The following MAGED1 variants were observed in gnomAD, a reference collection of about 807,000 sequenced individuals.
The protein encoded by MAGED1 is melanoma-associated antigen D1.
Under a neutral mutation model 54.1 loss-of-function variants are expected in MAGED1, and 3 were observed. The observed-to-expected ratio is 0.06, with a 90% CI of 0.03 to 0.14. The LOEUF is 0.14. Among genes scored for constraint, MAGED1 ranks in the 10% least tolerant of loss-of-function variants. MAGED1 has a pLI of 1.00. For missense variants in MAGED1, 485 were observed against 623.4 expected (o/e 0.78, Z 2.36); for synonymous variants, 217 against 227.3 (o/e 0.95, Z 0.41).
At chrX:51,902,047 A>T in intron 12 of MAGED1, 99 bp from the exon 13 acceptor site, 1 of 796,241 alleles carries the variant, frequency 1.3e-6, no homozygotes, top group Non-Finnish European at 1.7e-6. Flanking sequence ...CATTGTAGGG[A>T]GATGAGGAAA....
upstream of MAGED1, among the ~76,000 whole-genome samples, chrX:51,893,306 T>C (rs1557363674): frequency 1.0e-5 from 1 of 98,037 alleles, no homozygotes; most frequent in Non-Finnish European, 2.0e-5. Context: ...AGGGACGGAA[T>C]AGAGACGCAT....
chrX:51,857,548 C>A (rs938828848), intron 1 of MAGED1: 31 of 111,969 alleles, frequency 2.8e-4, no homozygotes, highest in African/African-American at 9.7e-4. Context: ...CTGGAGATAA[C>A]AGACCTTCAA....
chrX:51,861,527 G>A (rs782348096), intron 1 of MAGED1, among the ~76,000 whole-genome samples: 1 of 111,367 alleles, frequency 9.0e-6, no homozygotes, highest in East Asian at 2.8e-4. Flanking sequence ...TATTCTTTTA[G>A]TATAGCTATA....
chrX:51,840,859 A>G (rs1404134425), intron 1 of MAGED1, among the ~76,000 whole-genome samples: 2 of 110,149 alleles, frequency 1.8e-5, no homozygotes, highest in Non-Finnish European at 3.8e-5. Flanking sequence ...GTTGGTTCCA[A>G]GTCTTTGCTA....
upstream of MAGED1, chrX:51,893,421 A>G (rs1928529828): frequency 9.1e-6 from 1 of 109,814 alleles, no homozygotes; most frequent in African/African-American, 3.4e-5. Flanking sequence ...GCTGTTGTAT[A>G]GTGTCGACCT....
intron 1 of MAGED1, among the ~76,000 whole-genome samples, chrX:51,819,223 G>A (rs147098633): frequency 0.011 from 1,235 of 109,465 alleles, 6 homozygotes; most frequent in Middle Eastern, 0.019. Context: ...AGAAGCTCTG[G>A]TTGCTCCCTC....
intron 1 of MAGED1, among the ~76,000 whole-genome samples, chrX:51,819,500 C>T (rs1283792435): frequency 9.0e-6 from 1 of 110,658 alleles, no homozygotes; most frequent in East Asian, 2.8e-4. Context: ...TCTTCCTCTT[C>T]ACAGTGTCAA....
intron 1 of MAGED1, among the ~76,000 whole-genome samples, chrX:51,876,696 G>A (rs1557362029): frequency 9.0e-6 from 1 of 111,442 alleles, no homozygotes; most frequent in Non-Finnish European, 1.9e-5. Context: ...CCCATGTAAG[G>A]CCCGTAGGAT....
intron 1 of MAGED1, among the ~76,000 whole-genome samples, chrX:51,880,094 C>T (rs1557362363): frequency 8.9e-6 from 1 of 112,498 alleles, no homozygotes. Flanking sequence ...TGTGGTTTCC[C>T]TCAGCTCAGG....
At chrX:51,867,523 C>T (rs1557361179) in intron 1 of MAGED1, among the ~76,000 whole-genome samples, 1 of 111,445 alleles carries the variant, frequency 9.0e-6, no homozygotes, top group South Asian at 3.8e-4. Flanking sequence ...CTCTCCTTCT[C>T]ACGTTTTTCT....
At chrX:51,885,611 C>G (rs1274421143) in intron 1 of MAGED1, among the ~76,000 whole-genome samples, 1 of 111,187 alleles carries the variant, frequency 9.0e-6, no homozygotes, top group Non-Finnish European at 1.9e-5. Flanking sequence ...CCCATTTGTT[C>G]ATTTTTTCTT....
At chrX:51,824,996 T>A (rs1925802928) in intron 1 of MAGED1, among the ~76,000 whole-genome samples, 1 of 108,816 alleles carries the variant, frequency 9.2e-6, no homozygotes, top group Admixed American at 1.0e-4. Context: ...GCCCCTCTAA[T>A]GAATTTTTCG....
chrX:51,805,392 A>T (rs1009224591), intron 1 of MAGED1, among the ~76,000 whole-genome samples: 3 of 110,937 alleles, frequency 2.7e-5, no homozygotes, highest in Non-Finnish European at 5.7e-5. Context: ...AACTTGCTAA[A>T]CTGTGGTACA....
chrX:51,876,700 G>A (rs1257228497), intron 1 of MAGED1, among the ~76,000 whole-genome samples: 3 of 111,533 alleles, frequency 2.7e-5, no homozygotes, highest in Non-Finnish European at 3.8e-5. Context: ...TGTAAGGCCC[G>A]TAGGATTGTG....
chrX:51,894,789 G>C, intron 2 of MAGED1: 1 of 1,142,492 alleles, frequency 8.8e-7, no homozygotes, highest in Non-Finnish European at 1.2e-6. Context: ...AGCGTCCCCG[G>C]CTCCTGTTCG....
chrX:51,810,541 G>C (rs781946655), intron 1 of MAGED1, among the ~76,000 whole-genome samples: 2 of 111,938 alleles, frequency 1.8e-5, no homozygotes, highest in East Asian at 5.6e-4. Flanking sequence ...GGGAATGTGA[G>C]GGTAAACCTG....
intron 1 of MAGED1, among the ~76,000 whole-genome samples, chrX:51,818,062 C>T (rs1271230681): frequency 9.0e-6 from 1 of 111,641 alleles, no homozygotes; most frequent in African/African-American, 3.3e-5. Flanking sequence ...TAGTCACTAA[C>T]GACAATATCG....
intron 1 of MAGED1, among the ~76,000 whole-genome samples, chrX:51,884,949 TAGAG>T (rs1173388224): frequency 7.1e-5 from 8 of 112,317 alleles, no homozygotes; most frequent in African/African-American, 2.3e-4. Context: ...AACCCACTAA[TAGAG>T]AGTAACTTCC....
chrX:51,860,840 G>A (rs1736885825), intron 1 of MAGED1, among the ~76,000 whole-genome samples: 1 of 110,423 alleles, frequency 9.1e-6, no homozygotes, highest in Admixed American at 9.7e-5. Flanking sequence ...GGTAGGAGGG[G>A]GACCAGAGGA....
Sources: allele counts gnomAD v4.1 joint callset (sites outside exome capture counted in the v4.1 genomes callset), GRCh38; gene constraint gnomAD v4.1.1; transcripts MANE v1.5; gene names NCBI Gene and HGNC (gene_info 2026-07-23, HGNC 2026-07-21).